Variants in PIWIL4 observed in about 807,000 individuals in gnomAD.
PIWIL4 encodes piwi-like protein 4.
PIWIL4 carries 50 observed loss-of-function variants against 100.9 expected under a neutral mutation model. That is an observed-to-expected ratio of 0.50 (90% CI 0.39 to 0.63). The LOEUF (loss-of-function observed/expected upper bound fraction) is 0.63, where lower values mean the gene tolerates loss of function less well. Among genes scored for constraint, PIWIL4 ranks in the 20% least tolerant of loss-of-function variants. PIWIL4 has a pLI of 0.00. For synonymous variants in PIWIL4, 342 were observed against 367.5 expected (o/e 0.93, Z 0.79); for missense variants, 887 against 1,043.3 (o/e 0.85, Z 2.06).
At chr11:94,572,711 G>A (rs1224126401) in intron 2 of PIWIL4, among the ~76,000 whole-genome samples, 1 of 152,192 alleles carries the variant, frequency 6.6e-6, no homozygotes, top group Non-Finnish European at 1.5e-5. Flanking sequence ...ATAATTTGAA[G>A]CCAGGTAGCG....
At position 94,568,811 on chromosome 11, in the gene PIWIL4, A is replaced by G; in HGVS notation, c.166+3A>G. On this transcript the variant is annotated splice_donor_region_variant and intron_variant, in intron 2 of 19. Transcript: ENST00000299001. ...AACAAGCAGGATCTCAACCAACGGTAAGTGCAGCTCAGCCTGTTCATTTAG... is the reference window on the plus strand; with the variant it reads ...AACAAGCAGGATCTCAACCAACGGTGAGTGCAGCTCAGCCTGTTCATTTAG... 3.8e-6 allele frequency: 6 copies of G among 1,591,260 alleles called. No individual in the cohort carries two copies. The highest frequency in any genetic ancestry group is 5.2e-6 in the Non-Finnish European group (6 of 1,159,112).
At chr11:94,580,098 G>A (rs1405119879) in intron 4 of PIWIL4, among the ~76,000 whole-genome samples, 1 of 152,198 alleles carries the variant, frequency 6.6e-6, no homozygotes, top group East Asian at 1.9e-4. Flanking sequence ...TGGGAATGGA[G>A]CCTAATAAGG....
At chr11:94,574,969 A>G in intron 2 of PIWIL4, 30 bp from the exon 3 acceptor site, 2 of 1,600,106 alleles carry the variant, frequency 1.2e-6, no homozygotes, top group Non-Finnish European at 1.7e-6. Flanking sequence ...ATGAAATATT[A>G]GCTGTTACCA....
At chr11:94,579,069 A>G (rs1009121113) in intron 4 of PIWIL4, among the ~76,000 whole-genome samples, 1 of 152,252 alleles carries the variant, frequency 6.6e-6, no homozygotes, top group Non-Finnish European at 1.5e-5. Flanking sequence ...TAATTCCCAA[A>G]GTAGGCAAGA....
chr11:94,576,335 G>C (rs1948236436), intron 3 of PIWIL4, among the ~76,000 whole-genome samples: 1 of 152,054 alleles, frequency 6.6e-6, no homozygotes. Context: ...GGTCTTGCCA[G>C]GTTGGCCAGG....
chr11:94,616,473 A>ATTT lies in PIWIL4; in HGVS notation c.1944-11_1944-9dup. The stretch of plus-strand genomic sequence containing the variant: ...AAAATTGAAGTTGAATTTTACTTTT[A>ATTT]TTTTTTTTTTTAACTTTAGGTGGTT... On this transcript the variant is annotated intron_variant, in intron 15 of 19. Transcript: ENST00000299001. 8.1e-7 allele frequency: 1 copy of ATTT among 1,232,876 alleles called. No individual in the cohort carries two copies. Among genetic ancestry groups the ATTT allele is most frequent in the Non-Finnish European group, 1.1e-6 (1 of 898,034 alleles). The allele number at this position is 1,232,876 out of a possible 1,614,324, so 76.4% of individuals were successfully genotyped here.
At chr11:94,577,959 C>T (rs933008359) in intron 4 of PIWIL4, among the ~76,000 whole-genome samples, 26 of 152,108 alleles carry the variant, frequency 1.7e-4, no homozygotes, top group Admixed American at 1.6e-3. Flanking sequence ...TCCAGGGAAG[C>T]TTTCCTGGCC....
At chr11:94,592,858 A>G (rs113751157) in intron 8 of PIWIL4, among the ~76,000 whole-genome samples, 1,770 of 152,212 alleles carry the variant, frequency 0.012, 32 homozygotes, top group African/African-American at 0.04. Flanking sequence ...TTCATTATAA[A>G]CCAGACCCCA....
Position 94,568,756 on chromosome 11 carries a change from T to C in PIWIL4, c.114T>C (p.Asn38=). The change falls in exon 2 of 20, where the codon AAT becomes AAC. Residue 38 remains asparagine, a synonymous_variant. Transcript: ENST00000299001. ...PLPRSVDLSN[N]EASSSNGFLG... ...CTAGATCTGTTGATCTTAGTAACAA[T>C]GAAGCATCCTCTAGCAATGGCTTCT... 1 of 1,609,536 alleles carries C rather than the reference T, an allele frequency of 6.2e-7. No individual in the cohort carries two copies. Among genetic ancestry groups the C allele is most frequent in the Non-Finnish European group, 8.5e-7 (1 of 1,175,846 alleles).
Position 94,612,129 on chromosome 11 carries a change from C to G in PIWIL4, c.1943+3443C>G, listed in dbSNP as rs111552367. Among the ~76,000 whole-genome samples, 346 of 152,214 alleles carry G rather than the reference C, an allele frequency of 2.3e-3. 5 individuals carry two copies. The highest frequency in any genetic ancestry group is 7.8e-3 in the African/African-American group (326 of 41,544). On this transcript the variant is annotated intron_variant, in intron 15 of 19. Transcript: ENST00000299001. The stretch of plus-strand genomic sequence containing the variant: ...TTAATTTTCTGTCAGGATGATCTAT[C>G]TGTTGTTAAAAGTGGAGTACTGAAG...
intron 12 of PIWIL4, 91 bp from the exon 13 acceptor site, chr11:94,603,893 T>A: frequency 1.3e-6 from 1 of 776,236 alleles, no homozygotes; most frequent in Non-Finnish European, 2.0e-6. Context: ...TAGTTTGTTA[T>A]GAAAATTTAT....
intron 9 of PIWIL4, 25 bp downstream of exon 9, chr11:94,593,666 G>A (rs1237222507): frequency 6.2e-7 from 1 of 1,611,256 alleles, no homozygotes; most frequent in Non-Finnish European, 8.5e-7. Flanking sequence ...TTATACCTCT[G>A]TCAGGCTCCT....
Position 94,593,607 on chromosome 11 carries a change from C to T in PIWIL4, c.1116C>T (p.Leu372=), listed in dbSNP as rs745915474. The change falls in exon 9 of 20, where the codon CTC becomes CTT. Residue 372 remains leucine (L), a synonymous_variant. Coordinates refer to ENST00000299001, the MANE Select transcript of PIWIL4 (RefSeq NM_152431.3). ...GAAATGACAACAGTGAGGCTCAGCT[C>T]GCCCACCTGATACCTGAGCTCTGCT... The part of the protein sequence containing the change: ...KKRNDNSEAQ[L]AHLIPELCFL... The T allele has an allele frequency of 5.0e-6, 8 of 1,613,958 alleles. No individual in the cohort carries two copies. The highest frequency in any genetic ancestry group is 5.1e-6 in the Non-Finnish European group (6 of 1,179,908).
chr11:94,570,468 C>T (rs369325586), intron 2 of PIWIL4, among the ~76,000 whole-genome samples: 38 of 152,100 alleles, frequency 2.5e-4, no homozygotes, highest in African/African-American at 9.2e-4. Flanking sequence ...CCATAATGAC[C>T]TCACTTTAAC....
At position 94,587,101 on chromosome 11, in the gene PIWIL4, GCTC is replaced by G; in HGVS notation, c.771_773del (p.Leu258del). On this transcript the variant is annotated inframe_deletion, in exon 7 of 20. Transcript: ENST00000299001. ...TTTCTGTGTCATATTTTGAAAGGAA[GCTC>G]CTGTTTAGTGCTGATGTGAGTTACA... 6.2e-7 allele frequency: 1 copy of G among 1,613,938 alleles called. No homozygotes were observed. The highest frequency in any genetic ancestry group is 2.2e-5 in the East Asian group (1 of 44,874).
At position 94,593,679 on chromosome 11, in the gene PIWIL4, A is replaced by T. The variant is rs369047221; in HGVS notation, c.1150+38A>T. On this transcript the variant is annotated intron_variant, in intron 9 of 19. Coordinates refer to ENST00000299001, the MANE Select transcript of PIWIL4 (RefSeq NM_152431.3). ...TTTTATACCTCTGTCAGGCTCCTGGATACAGGCCCCTGATGCTTGGCAGTG... is the reference window on the plus strand; with the variant it reads ...TTTTATACCTCTGTCAGGCTCCTGGTTACAGGCCCCTGATGCTTGGCAGTG... 5.6e-6 allele frequency: 9 copies of T among 1,605,846 alleles called. No homozygotes were observed. The African/African-American group carries it at 1.2e-4, about 22-fold the overall frequency.
At position 94,577,476 on chromosome 11, in the gene PIWIL4, A is replaced by G. The variant is rs1948253717; in HGVS notation, c.497A>G (p.Gln166Arg). 1 of 1,613,038 alleles carries G rather than the reference A, an allele frequency of 6.2e-7. No homozygotes were observed. Among genetic ancestry groups the G allele is most frequent in the South Asian group, 1.1e-5 (1 of 91,018 alleles). ...AFDGAILFLS[Q>R]KLEEKVTELS... ...GACGGTGCCATCCTTTTTCTGTCAC[A>G]AAAGCTAGAAGAAAAGGTATAGTAT... The change falls in exon 4 of 20, where the codon CAA becomes CGA. Residue 166 changes from glutamine to arginine, a missense_variant. Physicochemically the swap from Gln to Arg is conservative, Grantham distance 43. Around this residue, in one of 2 missense-constraint regions of PIWIL4, gnomAD observed 741 missense variants for 930.0 expected, o/e 0.80. Coordinates refer to ENST00000299001, the MANE Select transcript of PIWIL4 (RefSeq NM_152431.3).
intron 8 of PIWIL4, among the ~76,000 whole-genome samples, chr11:94,592,481 A>T (rs1206247457): frequency 6.6e-6 from 1 of 152,248 alleles, no homozygotes; most frequent in Admixed American, 6.5e-5. Flanking sequence ...GGAGTCATGC[A>T]TACAAACTCA....
chr11:94,615,076 G>T (rs1339021124), intron 15 of PIWIL4, among the ~76,000 whole-genome samples: 1 of 152,122 alleles, frequency 6.6e-6, no homozygotes, highest in East Asian at 1.9e-4. Context: ...TGCTCCATAG[G>T]CAAGGTATCC....
Sources: gnomAD v4.1 joint callset for allele counts (sites outside exome capture counted in the v4.1 genomes callset) on GRCh38, gnomAD v4.1.1 for gene constraint, gnomAD v4.1.1 regional missense constraint, MANE v1.5 for transcripts, NCBI Gene and HGNC (gene_info 2026-07-23, HGNC 2026-07-21) for gene names.